The following KLHDC4 variants were observed in gnomAD, a reference collection of about 807,000 sequenced individuals.
KLHDC4 encodes kelch domain containing 4, also known as kelch domain-containing protein 4.
In KLHDC4, 90 loss-of-function variants were observed where a neutral mutation model predicts 62.4. That is an observed-to-expected ratio of 1.44 (90% confidence interval 1.22 to 1.72). The LOEUF is 1.72. Ranked by LOEUF, KLHDC4 falls within the 40% of genes most tolerant of loss-of-function variation. KLHDC4 has a pLI of 0.00. For synonymous variants in KLHDC4, 386 were observed against 284.4 expected (o/e 1.36, Z -3.59); for missense variants, 1,025 against 699.7 (o/e 1.47, Z -5.25).
intron 2 of KLHDC4, among the ~76,000 whole-genome samples, chr16:87,759,847 C>T (rs972050132): frequency 2.3e-5 from 3 of 132,958 alleles, no homozygotes; most frequent in East Asian, 2.3e-4. Context: ...ACTTCAGAAA[C>T]GATCTACACG....
chr16:87,720,732 C>T (rs1044455367), intron 7 of KLHDC4, among the ~76,000 whole-genome samples: 1 of 152,260 alleles, frequency 6.6e-6, no homozygotes, highest in Non-Finnish European at 1.5e-5. Flanking sequence ...TTACGGTTAG[C>T]ATCACTTCCA....
chr16:87,701,570 T>C (rs1426619850), exon 1 of KLHDC4: 1 of 408,202 alleles, frequency 2.4e-6, no homozygotes, highest in Non-Finnish European at 5.0e-6. Context: ...TGTAGCCGGG[T>C]GCTGGGCCCA....
intron 9 of KLHDC4, chr16:87,710,420 T>A (rs958932890): frequency 6.6e-6 from 1 of 152,252 alleles, no homozygotes; most frequent in African/African-American, 2.4e-5. Flanking sequence ...AAGATCCACT[T>A]TGTGTCTGGA....
intron 6 of KLHDC4, among the ~76,000 whole-genome samples, chr16:87,728,648 G>A (rs747483115): frequency 3.0e-4 from 45 of 152,266 alleles, no homozygotes; most frequent in Non-Finnish European, 4.7e-4. Context: ...AAACTTATGT[G>A]TGCATTCTGA....
chr16:87,732,578 C>A (rs1275100538), intron 5 of KLHDC4, among the ~76,000 whole-genome samples: 1 of 152,178 alleles, frequency 6.6e-6, no homozygotes, highest in Non-Finnish European at 1.5e-5. Flanking sequence ...ACAAATAACA[C>A]ATAAATAACT....
At chr16:87,746,938 C>G (rs571955724) in intron 5 of KLHDC4, among the ~76,000 whole-genome samples, 1 of 152,294 alleles carries the variant, frequency 6.6e-6, no homozygotes, top group South Asian at 2.1e-4. Flanking sequence ...CCACGGATGT[C>G]CCGCGTACGA....
chr16:87,748,572 T>C lies in KLHDC4; in HGVS notation c.506+101A>G. On this transcript the variant is annotated intron_variant, in intron 5 of 11. Transcript: ENST00000270583. Reference sequence around the variant, plus strand: ...GCTCCAGGACTGTGACCCAAGTTCCTCTGAACCCTGGTATTCTGAGGTCTG... The same window carrying C: ...GCTCCAGGACTGTGACCCAAGTTCCCCTGAACCCTGGTATTCTGAGGTCTG... 2.0e-6 allele frequency: 3 copies of C among 1,473,694 alleles called. No individual in the cohort carries two copies. In the Admixed American group the frequency reaches 5.9e-5, roughly 29 times the overall value. The allele number at this position is 1,473,694 out of a possible 1,614,324, so 91.3% of individuals were successfully genotyped here.
exon 1 of KLHDC4, chr16:87,701,300 C>T (rs1180022358): frequency 4.2e-6 from 1 of 238,800 alleles, no homozygotes; most frequent in Non-Finnish European, 8.5e-6. Flanking sequence ...CTCAGCCACC[C>T]AGGTTAGCAA....
At chr16:87,717,939 C>T (rs1223552681) in intron 7 of KLHDC4, among the ~76,000 whole-genome samples, 1 of 152,130 alleles carries the variant, frequency 6.6e-6, no homozygotes, top group East Asian at 1.9e-4. Context: ...TTAAGTACTT[C>T]CCCTCCAGAC....
chr16:87,722,496 G>T (rs1396201864), intron 7 of KLHDC4, among the ~76,000 whole-genome samples: 1 of 152,216 alleles, frequency 6.6e-6, no homozygotes, highest in African/African-American at 2.4e-5. Flanking sequence ...TTGCCATGCA[G>T]AACCACGGTC....
exon 1 of KLHDC4, chr16:87,698,375 CA>C (rs1174904202): frequency 1.1e-5 from 1 of 88,782 alleles, no homozygotes; most frequent in Non-Finnish European, 2.0e-5. Flanking sequence ...CTGCTCTGTG[CA>C]GCTCTCAGAC....
chr16:87,709,712 C>T (rs769206531), intron 9 of KLHDC4, 45 bp from the exon 10 acceptor site: 1 of 1,511,992 alleles, frequency 6.6e-7, no homozygotes, highest in Non-Finnish European at 8.9e-7. Flanking sequence ...TTCAGCGAGG[C>T]AGGGGTCATT....
At chr16:87,737,244 T>A (rs937327269) in intron 5 of KLHDC4, among the ~76,000 whole-genome samples, 42 of 150,462 alleles carry the variant, frequency 2.8e-4, no homozygotes, top group Admixed American at 1.2e-3. Flanking sequence ...CTAAATGACA[T>A]CACATGAAGT....
chr16:87,714,898 A>G (rs1438908800), intron 7 of KLHDC4, among the ~76,000 whole-genome samples: 3 of 152,210 alleles, frequency 2.0e-5, no homozygotes, highest in African/African-American at 7.2e-5. Context: ...ATACCATTAC[A>G]GAGTCACTCT....
In KLHDC4 at chr16:87,748,780, C is replaced by G. The variant is rs1343262340; in HGVS notation, c.399G>C (p.Gln133His). 3 of 1,613,124 alleles carry G rather than the reference C, an allele frequency of 1.9e-6. No individual in the cohort carries two copies. Among genetic ancestry groups the G allele is most frequent in the East Asian group, 2.2e-5 (1 of 44,846 alleles). The change falls in exon 5 of 12, where the codon CAG (glutamine) becomes CAC (histidine). Residue 133 changes from glutamine to histidine, a missense_variant. Transcript: ENST00000270583. ...QAVVVPQGGG[Q>H]LWVFGGEFAS... ...CAAACTCCCCTCCAAAGACCCACAGCTGTCCGCCACCTTGAGGCACTACCA... is the reference window on the plus strand; with the variant it reads ...CAAACTCCCCTCCAAAGACCCACAGGTGTCCGCCACCTTGAGGCACTACCA...
rs1366058058 is a variant in KLHDC4 at position 87,713,807 on chromosome 16, G to C, written c.835+691C>G. ...TCATCCCATGTCATCCTTTTAAAAAGTCCCAGAGAATGATGATTGTTCCCC... is the reference window on the plus strand; with the variant it reads ...TCATCCCATGTCATCCTTTTAAAAACTCCCAGAGAATGATGATTGTTCCCC... On this transcript the variant is annotated intron_variant, in intron 8 of 11. Coordinates refer to ENST00000270583, the MANE Select transcript of KLHDC4 (RefSeq NM_017566.4). Among the ~76,000 whole-genome samples, 9 of 152,310 alleles carry C rather than the reference G, an allele frequency of 5.9e-5. No homozygotes were observed. In the East Asian group the frequency reaches 1.4e-3, roughly 23 times the overall value.
intron 5 of KLHDC4, among the ~76,000 whole-genome samples, chr16:87,737,872 T>C (rs996300785): frequency 1.3e-5 from 2 of 152,144 alleles, no homozygotes; most frequent in Admixed American, 1.3e-4. Context: ...ATTACAGGTG[T>C]GAACCACTGC....
At chr16:87,740,995 G>A (rs1222076027) in intron 5 of KLHDC4, 6 of 152,176 alleles carry the variant, frequency 3.9e-5, no homozygotes, top group Admixed American at 2.0e-4. Context: ...GCCCTCCAAC[G>A]AGGCACGGAT....
chr16:87,727,568 C>T (rs768218254), intron 6 of KLHDC4, among the ~76,000 whole-genome samples: 2 of 152,200 alleles, frequency 1.3e-5, no homozygotes, highest in South Asian at 4.1e-4. Context: ...CAGCCTTGCC[C>T]TGCTCAGTGC....
Sources: gnomAD v4.1 joint callset for allele counts (sites outside exome capture counted in the v4.1 genomes callset) on GRCh38, gnomAD v4.1.1 for gene constraint, MANE v1.5 for transcripts, NCBI Gene and HGNC (gene_info 2026-07-23, HGNC 2026-07-21) for gene names.